SNTG1: variants seen among roughly 807,000 people sequenced by gnomAD.
SNTG1 encodes syntrophin gamma 1.
SNTG1 carries 39 observed loss-of-function variants against 74.7 expected under a neutral mutation model. The ratio of observed to expected loss-of-function variants is 0.52; its 90% CI spans 0.40 to 0.68. The LOEUF (loss-of-function observed/expected upper bound fraction) is 0.68, where lower values mean the gene tolerates loss of function less well. SNTG1 is among the 30% of genes least tolerant of loss of function. SNTG1 has a pLI of 0.00. For synonymous variants in SNTG1, 254 were observed against 217.1 expected (o/e 1.17, Z -1.49); for missense variants, 685 against 609.5 (o/e 1.12, Z -1.30).
chr8:50,219,549 A>G (rs2084956838), intron 2 of SNTG1, among the ~76,000 whole-genome samples: 1 of 152,190 alleles, frequency 6.6e-6, no homozygotes, highest in South Asian at 2.1e-4. Flanking sequence ...GGGAGGCCTC[A>G]GGAAACTTAC....
chr8:50,421,668 C>G (rs1054875546), intron 4 of SNTG1, among the ~76,000 whole-genome samples: 4 of 152,098 alleles, frequency 2.6e-5, no homozygotes, highest in African/African-American at 4.8e-5. Context: ...TGCTCTGTTT[C>G]AAACTCCTCT....
At chr8:49,926,200 C>G (rs1807011182) in intron 1 of SNTG1, among the ~76,000 whole-genome samples, 1 of 152,024 alleles carries the variant, frequency 6.6e-6, no homozygotes, top group Non-Finnish European at 1.5e-5. Context: ...TATCGATTTT[C>G]TAAGAAGAGG....
chr8:50,335,663 T>A (rs922342354), intron 2 of SNTG1, among the ~76,000 whole-genome samples: 1 of 152,076 alleles, frequency 6.6e-6, no homozygotes, highest in Non-Finnish European at 1.5e-5. Context: ...GAGTTCCTAC[T>A]TTTAAGGGCT....
At position 50,795,599 on chromosome 8, in the gene SNTG1, G is replaced by A. The variant is rs1802775510; in HGVS notation, c.*2770G>A. 6.6e-6 allele frequency: 1 copy of A among 151,892 alleles called. No individual in the cohort carries two copies. The highest frequency in any genetic ancestry group is 2.4e-5 in the African/African-American group (1 of 41,394). 9.4% of individuals were successfully genotyped at this position (151,892 alleles called of 1,614,324 possible). On this transcript the variant is annotated 3_prime_UTR_variant, in exon 19 of 19. Transcript: ENST00000642720. ...TGTGTATGTGTGTGAGTGTGTAAGT[G>A]TTATCATTAAAGGGTTCATTACAGT...
intron 2 of SNTG1, among the ~76,000 whole-genome samples, chr8:50,383,190 T>C (rs1330535245): frequency 6.6e-6 from 1 of 152,158 alleles, no homozygotes; most frequent in African/African-American, 2.4e-5. Flanking sequence ...CCCTTAAACC[T>C]ACTTTAGCTC....
Position 50,559,944 on chromosome 8 carries a change from A to C in SNTG1, c.810+6765A>C, listed in dbSNP as rs528820522. Among the ~76,000 whole-genome samples, 344 of 152,340 alleles carry C rather than the reference A, an allele frequency of 2.3e-3. 1 individual carries two copies. Among genetic ancestry groups the C allele is most frequent in the Non-Finnish European group, 2.1e-3 (146 of 68,030 alleles). Reference sequence around the variant, plus strand: ...TCCTCAGAGTGAACAGACAACCTACAGAATGGGAGAAATTTTTTGCCATCT... The same window carrying C: ...TCCTCAGAGTGAACAGACAACCTACCGAATGGGAGAAATTTTTTGCCATCT... On this transcript the variant is annotated intron_variant, in intron 12 of 18. Transcript: ENST00000642720.
intron 2 of SNTG1, among the ~76,000 whole-genome samples, chr8:50,240,245 C>A (rs756310725): frequency 6.6e-6 from 1 of 152,072 alleles, no homozygotes; most frequent in African/African-American, 2.4e-5. Flanking sequence ...CAAGGCTTTG[C>A]GTATTGTTTG....
Position 50,287,824 on chromosome 8 carries a change from T to C in SNTG1, c.-27-106388T>C, listed in dbSNP as rs561914022. ...ACTCTGGTGACAACATTCCATACCA[T>C]GTTTTAAAAAAATACTTTATACAAC... On this transcript the variant is annotated intron_variant, in intron 2 of 18. Coordinates refer to ENST00000642720, the MANE Select transcript of SNTG1 (RefSeq NM_018967.5). 1.1e-4 allele frequency among the ~76,000 whole-genome samples: 16 copies of C among 152,238 alleles called. No individual in the cohort carries two copies. In the South Asian group the frequency reaches 3.1e-3, roughly 30 times the overall value.
intron 1 of SNTG1, among the ~76,000 whole-genome samples, chr8:50,114,975 A>C (rs2080755881): frequency 6.6e-6 from 1 of 152,228 alleles, no homozygotes. Context: ...GCATATATCA[A>C]ATCATCATGT....
intron 2 of SNTG1, among the ~76,000 whole-genome samples, chr8:50,214,772 A>G (rs950827877): frequency 1.3e-5 from 2 of 152,178 alleles, no homozygotes; most frequent in African/African-American, 4.8e-5. Flanking sequence ...GACACTTAAA[A>G]TAAAAATAAA....
chr8:50,661,971 G>T (rs1325616727), intron 15 of SNTG1, among the ~76,000 whole-genome samples: 1 of 152,124 alleles, frequency 6.6e-6, no homozygotes, highest in Non-Finnish European at 1.5e-5. Flanking sequence ...GAGAACAGAG[G>T]AGTGGCTTCT....
At chr8:50,222,650 A>T (rs1190437726) in intron 2 of SNTG1, among the ~76,000 whole-genome samples, 2 of 152,088 alleles carry the variant, frequency 1.3e-5, no homozygotes, top group African/African-American at 4.8e-5. Context: ...CATTGTGGGG[A>T]CATTAGTTTG....
chr8:50,724,454 A>T lies in SNTG1; in HGVS notation c.1284+15476A>T, dbSNP rs2095495209. ...TGATAATAAATAATTATTAGCTAAC[A>T]AATTGGTTTCCTGGTATTGGTTCAC... On this transcript the variant is annotated intron_variant, in intron 17 of 18. Coordinates refer to ENST00000642720, the MANE Select transcript of SNTG1 (RefSeq NM_018967.5). 3.9e-5 allele frequency among the ~76,000 whole-genome samples: 6 copies of T among 152,188 alleles called. No individual in the cohort carries two copies. The South Asian group carries it at 1.2e-3, about 31-fold the overall frequency.
chr8:50,519,262 T>C (rs544235645), intron 9 of SNTG1, among the ~76,000 whole-genome samples: 4 of 152,126 alleles, frequency 2.6e-5, no homozygotes, highest in Non-Finnish European at 5.9e-5. Flanking sequence ...CACCCTTTTA[T>C]GCAAAAACTC....
chr8:50,006,515 G>A (rs1248222640), intron 1 of SNTG1, among the ~76,000 whole-genome samples: 1 of 152,096 alleles, frequency 6.6e-6, no homozygotes, highest in Non-Finnish European at 1.5e-5. Flanking sequence ...GGCTTATTAT[G>A]TTTCAAGGCT....
intron 2 of SNTG1, among the ~76,000 whole-genome samples, chr8:50,252,612 G>A (rs535244264): frequency 6.6e-6 from 1 of 152,164 alleles, no homozygotes; most frequent in African/African-American, 2.4e-5. Flanking sequence ...TGCTTCCATG[G>A]TGGAAGTTGA....
intron 2 of SNTG1, among the ~76,000 whole-genome samples, chr8:50,213,596 T>C (rs923838745): frequency 6.6e-6 from 1 of 152,144 alleles, no homozygotes; most frequent in Non-Finnish European, 1.5e-5. Flanking sequence ...ACCTGTTGTT[T>C]CCTGACTTTT....
At chr8:50,556,251 T>C (rs1009041244) in intron 12 of SNTG1, among the ~76,000 whole-genome samples, 1 of 152,184 alleles carries the variant, frequency 6.6e-6, no homozygotes, top group Non-Finnish European at 1.5e-5. Flanking sequence ...TAAGCTGTAT[T>C]GGCACAGCTT....
chr8:50,676,574 A>G (rs1021093246), intron 15 of SNTG1, among the ~76,000 whole-genome samples: 1 of 151,870 alleles, frequency 6.6e-6, no homozygotes, highest in African/African-American at 2.4e-5. Context: ...GTGTTAAAAC[A>G]TGCTCCTTTA....
Sources: allele counts gnomAD v4.1 joint callset (sites outside exome capture counted in the v4.1 genomes callset), GRCh38; gene constraint gnomAD v4.1.1; transcripts MANE v1.5; gene names NCBI Gene and HGNC (gene_info 2026-07-23, HGNC 2026-07-21).